Variants in SOHLH2 observed in about 807,000 individuals in gnomAD.
SOHLH2 encodes the protein spermatogenesis- and oogenesis-specific basic helix-loop-helix-containing protein 2.
A neutral mutation model predicts 50.4 loss-of-function variants in SOHLH2; 22 were observed. The ratio of observed to expected loss-of-function variants is 0.44; its 90% CI spans 0.31 to 0.62. The LOEUF (loss-of-function observed/expected upper bound fraction) is 0.62, where lower values mean the gene tolerates loss of function less well. Ranked by LOEUF, SOHLH2 falls within the 20% of genes least tolerant of loss-of-function variation. The pLI, the probability that SOHLH2 is intolerant of heterozygous loss-of-function variation, is 0.08. For missense variants in SOHLH2, 412 were observed against 504.4 expected (o/e 0.82, Z 1.76); for synonymous variants, 185 against 187.3 (o/e 0.99, Z 0.10).
chr13:36,182,077 G>C, intron 6 of SOHLH2: 1 of 984,818 alleles, frequency 1.0e-6, no homozygotes, highest in Non-Finnish European at 1.2e-6. Flanking sequence ...GCCTAGAGCA[G>C]CTGTATACTG....
intron 1 of SOHLH2, among the ~76,000 whole-genome samples, chr13:36,205,279 G>T (rs951438807): frequency 3.9e-5 from 6 of 151,980 alleles, no homozygotes; most frequent in Non-Finnish European, 4.4e-5. Flanking sequence ...TAAAGCATTG[G>T]CTAGAACATC....
intron 2 of SOHLH2, among the ~76,000 whole-genome samples, chr13:36,196,468 C>T (rs564066162): frequency 3.3e-5 from 5 of 151,868 alleles, no homozygotes; most frequent in East Asian, 3.9e-4. Context: ...TGGATTATAA[C>T]GGAGGTACAG....
At chr13:36,177,154 A>ATT (rs1887117538) in intron 6 of SOHLH2, among the ~76,000 whole-genome samples, 1 of 152,080 alleles carries the variant, frequency 6.6e-6, no homozygotes, top group African/African-American at 2.4e-5. Flanking sequence ...CTCAAATAGC[A>ATT]TATAAATAAA....
intron 6 of SOHLH2, among the ~76,000 whole-genome samples, chr13:36,175,317 C>T (rs150414394): frequency 1.3e-5 from 2 of 152,348 alleles, no homozygotes; most frequent in East Asian, 3.9e-4. Flanking sequence ...CAGTCAGGAC[C>T]TTCATGTCAC....
At chr13:36,173,082 A>G (rs1887003683) in intron 9 of SOHLH2, among the ~76,000 whole-genome samples, 1 of 152,182 alleles carries the variant, frequency 6.6e-6, no homozygotes, top group Non-Finnish European at 1.5e-5. Context: ...TTTGTTCCAC[A>G]ATGAATATTC....
Position 36,201,970 on chromosome 13 carries a change from C to T in SOHLH2, c.172G>A (p.Ala58Thr). The change falls in exon 2 of 11, where the codon GCG becomes ACG. Residue 58 changes from alanine (A) to threonine (T), a missense_variant. Physicochemically the swap from Ala to Thr is moderately conservative, Grantham distance 58 (BLOSUM62 0). Transcript: ENST00000379881. The stretch of plus-strand genomic sequence containing the variant: ...TTGAATATGCAATCATCCAAAAGCG[C>T]TGCTGCCTCCTTCGTGTCACTGATG... ...ITISDTKEAA[A>T]LLDDCIFNMV... 1.2e-6 allele frequency: 2 copies of T among 1,614,224 alleles called. No individual in the cohort carries two copies. The highest frequency in any genetic ancestry group is 1.7e-6 in the Non-Finnish European group (2 of 1,180,044).
chr13:36,192,801 C>T (rs374340726), intron 4 of SOHLH2, among the ~76,000 whole-genome samples: 58 of 152,200 alleles, frequency 3.8e-4, no homozygotes, highest in South Asian at 2.7e-3. Flanking sequence ...GTAAGATCTA[C>T]CCTCTCAGCA....
chr13:36,170,320 T>C (rs1226421741), intron 10 of SOHLH2, among the ~76,000 whole-genome samples: 18 of 152,154 alleles, frequency 1.2e-4, no homozygotes, highest in Non-Finnish European at 1.5e-4. Flanking sequence ...GCTTCACTGG[T>C]TCTGGATATC....
intron 5 of SOHLH2, among the ~76,000 whole-genome samples, chr13:36,191,023 A>G (rs1887556604): frequency 6.6e-6 from 1 of 152,216 alleles, no homozygotes; most frequent in Admixed American, 6.5e-5. Flanking sequence ...GCATGCCCTC[A>G]GCAGTTATGT....
Position 36,168,896 on chromosome 13 carries a change from C to G in SOHLH2, c.*138G>C. The G allele has an allele frequency of 7.1e-7, 1 of 1,405,114 alleles. No individual in the cohort carries two copies. The highest frequency in any genetic ancestry group is 9.4e-7 in the Non-Finnish European group (1 of 1,066,664). The allele number at this position is 1,405,114 out of a possible 1,614,324, so 87.0% of individuals were successfully genotyped here. A position where few individuals can be genotyped will look rare whatever the true frequency, so the allele number is the denominator to read the frequency against. ...CTGCAGAAGCTTTGAGTGCATTTATCAGAAGCCAAACCATGCCAACTCTTT... is the reference window on the plus strand; with the variant it reads ...CTGCAGAAGCTTTGAGTGCATTTATGAGAAGCCAAACCATGCCAACTCTTT... On this transcript the variant is annotated 3_prime_UTR_variant, in exon 11 of 11. Coordinates refer to ENST00000379881, the MANE Select transcript of SOHLH2 (RefSeq NM_017826.3).
chr13:36,173,585 A>G (rs1887019528), intron 9 of SOHLH2, 107 bp downstream of exon 9: 1 of 1,326,220 alleles, frequency 7.5e-7, no homozygotes, highest in African/African-American at 1.5e-5. Context: ...AGGACTCATC[A>G]GCTCTCCTGG....
chr13:36,175,404 A>C (rs1012089806), intron 6 of SOHLH2, among the ~76,000 whole-genome samples: 11 of 152,224 alleles, frequency 7.2e-5, no homozygotes, highest in African/African-American at 2.4e-4. Flanking sequence ...GAGCAAAAAG[A>C]AAATCAGAAG....
At chr13:36,197,941 T>C (rs1423679562) in intron 2 of SOHLH2, among the ~76,000 whole-genome samples, 1 of 152,224 alleles carries the variant, frequency 6.6e-6, no homozygotes, top group East Asian at 1.9e-4. Flanking sequence ...GCTGTTACTG[T>C]GTTTATTGTC....
At chr13:36,187,838 G>A (rs1206353347) in intron 6 of SOHLH2, among the ~76,000 whole-genome samples, 3 of 152,114 alleles carry the variant, frequency 2.0e-5, no homozygotes, top group Non-Finnish European at 4.4e-5. Flanking sequence ...TCAGCTGCGG[G>A]GGATTAAAAT....
chr13:36,206,960 T>C (rs1566047190), intron 1 of SOHLH2, among the ~76,000 whole-genome samples: 1 of 151,726 alleles, frequency 6.6e-6, no homozygotes, highest in Non-Finnish European at 1.5e-5. Context: ...TAGCAAATAC[T>C]ACTATATAAA....
intron 6 of SOHLH2, among the ~76,000 whole-genome samples, chr13:36,185,599 C>T (rs571412863): frequency 2.2e-4 from 34 of 151,832 alleles, no homozygotes; most frequent in African/African-American, 5.8e-4. Flanking sequence ...GAAAAAAAAT[C>T]GATAAAACTG....
At chr13:36,185,851 AT>A (rs1307857257) in intron 6 of SOHLH2, among the ~76,000 whole-genome samples, 4 of 152,218 alleles carry the variant, frequency 2.6e-5, no homozygotes, top group African/African-American at 7.2e-5. Flanking sequence ...TCCTATAATA[AT>A]TACAGAAATT....
chr13:36,212,056 C>T (rs181873546), intron 1 of SOHLH2, among the ~76,000 whole-genome samples: 1 of 152,210 alleles, frequency 6.6e-6, no homozygotes, highest in African/African-American at 2.4e-5. Context: ...CAGAATCTCT[C>T]GGCCTTTTGG....
chr13:36,172,478 T>C (rs926950712), intron 9 of SOHLH2, among the ~76,000 whole-genome samples: 2 of 152,186 alleles, frequency 1.3e-5, no homozygotes, highest in African/African-American at 2.4e-5. Context: ...GGGTTCTATC[T>C]GGGGGTCCCT....
Sources: gnomAD v4.1 joint callset for allele counts (sites outside exome capture counted in the v4.1 genomes callset) on GRCh38, gnomAD v4.1.1 for gene constraint, MANE v1.5 for transcripts, NCBI Gene and HGNC (gene_info 2026-07-23, HGNC 2026-07-21) for gene names.